SWT1: variants seen among roughly 807,000 people sequenced by gnomAD.
The protein encoded by SWT1 is transcriptional protein SWT1.
Under a neutral mutation model 107.3 loss-of-function variants are expected in SWT1, and 33 were observed. The ratio of observed to expected loss-of-function variants is 0.31; its 90% CI spans 0.23 to 0.41. The LOEUF (loss-of-function observed/expected upper bound fraction) is 0.41. Ranked by LOEUF, SWT1 falls within the 10% of genes least tolerant of loss-of-function variation. The pLI is 1.00. For missense variants in SWT1, 898 were observed against 1,028.9 expected, an observed-to-expected ratio of 0.87 and a Z score of 1.74; for synonymous variants, 345 against 348.3, an observed-to-expected ratio of 0.99 and a Z score of 0.11.
At chr1:185,281,396 C>G in intron 18 of SWT1, 1 of 232,904 alleles carries the variant, frequency 4.3e-6, no homozygotes, top group Non-Finnish European at 8.7e-6. Flanking sequence ...CTGAGGAAGT[C>G]AGAGTCAAAC....
intron 16 of SWT1, among the ~76,000 whole-genome samples, chr1:185,269,462 C>T (rs1293916096): frequency 7.3e-6 from 1 of 137,882 alleles, no homozygotes; most frequent in African/African-American, 2.8e-5. Context: ...GTTATATATT[C>T]TTAAAGATGT....
chr1:185,250,949 C>G (rs1346637722), intron 16 of SWT1, among the ~76,000 whole-genome samples: 1 of 152,192 alleles, frequency 6.6e-6, no homozygotes, highest in Non-Finnish European at 1.5e-5. Flanking sequence ...AGGTATGAGC[C>G]ACTGCACCCG....
At chr1:185,178,828 A>G (rs74632946) in intron 5 of SWT1, among the ~76,000 whole-genome samples, 26 of 152,184 alleles carry the variant, frequency 1.7e-4, no homozygotes, top group Non-Finnish European at 3.2e-4. Flanking sequence ...TAGTAAAACT[A>G]TAATGAGCCT....
At chr1:185,203,191 A>G (rs991294321) in intron 11 of SWT1, among the ~76,000 whole-genome samples, 1 of 152,232 alleles carries the variant, frequency 6.6e-6, no homozygotes, top group African/African-American at 2.4e-5. Flanking sequence ...TTTAGTTGAC[A>G]TAGAGATAAT....
intron 16 of SWT1, among the ~76,000 whole-genome samples, chr1:185,238,005 T>A (rs923900963): frequency 4.6e-5 from 7 of 151,702 alleles, no homozygotes; most frequent in Non-Finnish European, 7.4e-5. Flanking sequence ...TTTTTTTTTT[T>A]AAACAGAGTA....
At chr1:185,200,223 TACTC>T (rs1273980822) in intron 10 of SWT1, among the ~76,000 whole-genome samples, 1 of 152,178 alleles carries the variant, frequency 6.6e-6, no homozygotes, top group African/African-American at 2.4e-5. Flanking sequence ...AGTTTGCTAT[TACTC>T]ACCTTCTGAA....
chr1:185,199,185 C>G (rs1012777467), intron 10 of SWT1, among the ~76,000 whole-genome samples: 1 of 152,168 alleles, frequency 6.6e-6, no homozygotes, highest in African/African-American at 2.4e-5. Context: ...ATCCACCCAC[C>G]TTGGCCTCCC....
chr1:185,189,233 G>C (rs550171096), intron 9 of SWT1, among the ~76,000 whole-genome samples: 1 of 151,934 alleles, frequency 6.6e-6, no homozygotes, highest in East Asian at 1.9e-4. Flanking sequence ...AAGCAATCCC[G>C]CTGCCTCAGC....
chr1:185,192,294 T>G (rs2102413160), intron 10 of SWT1, among the ~76,000 whole-genome samples: 1 of 152,316 alleles, frequency 6.6e-6, no homozygotes, highest in East Asian at 1.9e-4. Context: ...TCTCCATAAA[T>G]GAACTCTTGA....
intron 11 of SWT1, among the ~76,000 whole-genome samples, chr1:185,203,728 A>G (rs1658078893): frequency 6.6e-6 from 1 of 152,044 alleles, no homozygotes; most frequent in Non-Finnish European, 1.5e-5. Flanking sequence ...TAAACCTGAC[A>G]TTATTTATAA....
At chr1:185,250,023 A>G (rs148548180) in intron 16 of SWT1, among the ~76,000 whole-genome samples, 142 of 152,338 alleles carry the variant, frequency 9.3e-4, no homozygotes, top group African/African-American at 3.4e-3. Flanking sequence ...CTTTATTGGG[A>G]TTCACTGTGT....
At chr1:185,279,476 C>A (rs1664478672) in intron 18 of SWT1, among the ~76,000 whole-genome samples, 1 of 151,738 alleles carries the variant, frequency 6.6e-6, no homozygotes, top group Non-Finnish European at 1.5e-5. Context: ...AATGAGTAAA[C>A]CCTCTTTTAT....
At chr1:185,262,442 C>CA (rs1209855876) in intron 16 of SWT1, 2 of 152,180 alleles carry the variant, frequency 1.3e-5, no homozygotes, top group African/African-American at 4.8e-5. Context: ...ACTAACTACT[C>CA]AGTGAATTCC....
chr1:185,166,917 T>TA (rs1391784542), intron 3 of SWT1, among the ~76,000 whole-genome samples: 1 of 151,772 alleles, frequency 6.6e-6, no homozygotes, highest in African/African-American at 2.4e-5. Context: ...TATATATATA[T>TA]TTTTTTTGAG....
chr1:185,269,958 G>A (rs978405026), intron 16 of SWT1, among the ~76,000 whole-genome samples: 1 of 152,172 alleles, frequency 6.6e-6, no homozygotes, highest in African/African-American at 2.4e-5. Flanking sequence ...TTATCGGGGT[G>A]TATCCCCATT....
chr1:185,271,474 A>C, intron 17 of SWT1, 85 bp downstream of exon 17: 1 of 691,394 alleles, frequency 1.4e-6, no homozygotes, highest in Non-Finnish European at 2.6e-6. Context: ...GTTCTCAAAC[A>C]TAGTGGAATG....
At chr1:185,210,036 T>C (rs563699413) in intron 13 of SWT1, among the ~76,000 whole-genome samples, 1 of 152,344 alleles carries the variant, frequency 6.6e-6, no homozygotes, top group Non-Finnish European at 1.5e-5. Flanking sequence ...TTGAGAAGTG[T>C]CTGTTCATAT....
intron 16 of SWT1, among the ~76,000 whole-genome samples, chr1:185,262,869 C>G (rs1271992103): frequency 6.6e-6 from 1 of 151,808 alleles, no homozygotes; most frequent in Non-Finnish European, 1.5e-5. Flanking sequence ...TCACTGCAGC[C>G]TCAACCTCCC....
chr1:185,193,064 C>T (rs1376434576), intron 10 of SWT1, among the ~76,000 whole-genome samples: 2 of 152,044 alleles, frequency 1.3e-5, no homozygotes, highest in Non-Finnish European at 2.9e-5. Context: ...CAGTTGTATC[C>T]CACAAATTTT....
Sources: allele counts gnomAD v4.1 joint callset (sites outside exome capture counted in the v4.1 genomes callset), GRCh38; gene constraint gnomAD v4.1.1; transcripts MANE v1.5; gene names NCBI Gene and HGNC (gene_info 2026-07-23, HGNC 2026-07-21).